STK32B: variants seen among roughly 807,000 people sequenced by gnomAD.
STK32B encodes serine/threonine-protein kinase 32B.
Under a neutral mutation model 52.6 loss-of-function variants are expected in STK32B, and 43 were observed. The ratio of observed to expected loss-of-function variants is 0.82; its 90% CI spans 0.64 to 1.05. STK32B has a LOEUF of 1.05. Ranked by LOEUF, STK32B falls within the 50% of genes least tolerant of loss-of-function variation. The pLI is 0.00. For synonymous variants in STK32B, 238 were observed against 204.3 expected (o/e 1.17, Z -1.41); for missense variants, 621 against 534.6 (o/e 1.16, Z -1.59).
intron 3 of STK32B, among the ~76,000 whole-genome samples, chr4:5,242,193 A>G (rs1403884924): frequency 6.6e-6 from 1 of 152,282 alleles, no homozygotes; most frequent in African/African-American, 2.4e-5. Context: ...AGTCCCACCA[A>G]CAGTGTATAA....
chr4:5,264,513 G>A (rs975419926), intron 3 of STK32B, among the ~76,000 whole-genome samples: 11 of 152,122 alleles, frequency 7.2e-5, no homozygotes, highest in Admixed American at 4.6e-4. Flanking sequence ...GTGACTGGGC[G>A]CGGTGGCTCA....
At chr4:5,236,095 A>T (rs1422687486) in intron 3 of STK32B, among the ~76,000 whole-genome samples, 1 of 152,198 alleles carries the variant, frequency 6.6e-6, no homozygotes, top group Non-Finnish European at 1.5e-5. Flanking sequence ...CATGTCAATT[A>T]TGGTGCATTG....
chr4:5,253,621 C>G (rs1437700145), intron 3 of STK32B, among the ~76,000 whole-genome samples: 1 of 151,990 alleles, frequency 6.6e-6, no homozygotes, highest in Non-Finnish European at 1.5e-5. Flanking sequence ...GGTGATCCAC[C>G]CACCTCGGCC....
chr4:5,148,061 A>G (rs1717053865), intron 2 of STK32B, among the ~76,000 whole-genome samples: 1 of 151,896 alleles, frequency 6.6e-6, no homozygotes, highest in South Asian at 2.1e-4. Context: ...TTGACTACAA[A>G]ATTACCTTCT....
chr4:5,271,795 G>A (rs1727450701), intron 3 of STK32B, among the ~76,000 whole-genome samples: 1 of 138,744 alleles, frequency 7.2e-6, no homozygotes. Context: ...TCATGATTTG[G>A]CTCTCTGTTT....
At chr4:5,195,140 C>T (rs1032700896) in intron 3 of STK32B, among the ~76,000 whole-genome samples, 4 of 152,078 alleles carry the variant, frequency 2.6e-5, no homozygotes, top group Non-Finnish European at 4.4e-5. Flanking sequence ...TTGGCGCAAT[C>T]GTAGCTCAAC....
At position 5,316,192 on chromosome 4, in the gene STK32B, T is replaced by A. The variant is rs111305615; in HGVS notation, c.261-15028T>A. On this transcript the variant is annotated intron_variant, in intron 3 of 11. Coordinates refer to ENST00000282908, the MANE Select transcript of STK32B (RefSeq NM_018401.3). Reference sequence around the variant, plus strand: ...ATATATATATAACTAAATATATATATTTAGATATATAATATATATTACATA... The same window carrying A: ...ATATATATATAACTAAATATATATAATTAGATATATAATATATATTACATA... Among the ~76,000 whole-genome samples the A allele has an allele frequency of 7.1e-3, 574 of 80,668 alleles. 4 individuals are homozygous for A. Among genetic ancestry groups the A allele is most frequent in the African/African-American group, 0.04 (408 of 10,180 alleles). 52.9% of individuals were successfully genotyped at this position (80,668 alleles called of 152,430 possible). A position where few individuals can be genotyped will look rare whatever the true frequency, so the allele number is the denominator to read the frequency against.
intron 3 of STK32B, among the ~76,000 whole-genome samples, chr4:5,214,575 C>T (rs1040345929): frequency 6.6e-6 from 1 of 152,096 alleles, no homozygotes; most frequent in Non-Finnish European, 1.5e-5. Context: ...TGTTCTGTTC[C>T]AATGCTCTAT....
chr4:5,100,012 A>C (rs1310361944), intron 1 of STK32B, among the ~76,000 whole-genome samples: 24 of 152,112 alleles, frequency 1.6e-4, no homozygotes, highest in Non-Finnish European at 2.9e-4. Context: ...AAAAAAAAAA[A>C]AACACTGAAT....
intron 3 of STK32B, among the ~76,000 whole-genome samples, chr4:5,238,322 CTGCCTCCT>C (rs1438625568): frequency 1.3e-5 from 2 of 152,068 alleles, no homozygotes; most frequent in African/African-American, 2.4e-5. Context: ...ACTGTAATGT[CTGCCTCCT>C]TGCCTCCTTC....
chr4:5,080,008 A>G (rs1017678368), intron 1 of STK32B, among the ~76,000 whole-genome samples: 2 of 151,652 alleles, frequency 1.3e-5, no homozygotes, highest in Non-Finnish European at 2.9e-5. Flanking sequence ...AGACTTTCCC[A>G]TATAAGATCA....
intron 2 of STK32B, among the ~76,000 whole-genome samples, chr4:5,144,002 G>A (rs893902942): frequency 2.0e-5 from 3 of 152,146 alleles, no homozygotes; most frequent in African/African-American, 7.2e-5. Flanking sequence ...GCTGGAATTG[G>A]GCCTCTACTT....
At chr4:5,152,658 C>A (rs1264218714) in intron 2 of STK32B, among the ~76,000 whole-genome samples, 1 of 152,234 alleles carries the variant, frequency 6.6e-6, no homozygotes, top group Admixed American at 6.5e-5. Context: ...ATACGCAGTT[C>A]TCATTCGGTG....
chr4:5,030,602 T>C, the STK32B span, among the ~76,000 whole-genome samples: 1 of 151,994 alleles, frequency 6.6e-6, no homozygotes, highest in Non-Finnish European at 1.5e-5. Flanking sequence ...AAGGTAGGAG[T>C]TGGTATTATC....
chr4:5,452,908 C>G (rs185818039), intron 7 of STK32B, among the ~76,000 whole-genome samples: 2 of 152,008 alleles, frequency 1.3e-5, no homozygotes, highest in African/African-American at 4.8e-5. Context: ...ATAAATACCA[C>G]CTGGTATTCT....
intron 3 of STK32B, among the ~76,000 whole-genome samples, chr4:5,230,023 G>A (rs974921914): frequency 2.0e-5 from 3 of 151,600 alleles, no homozygotes; most frequent in East Asian, 1.9e-4. Flanking sequence ...ATGGAGTCTC[G>A]CTCTTGTCGT....
At chr4:5,367,141 C>G (rs1028642296) in intron 4 of STK32B, among the ~76,000 whole-genome samples, 3 of 152,124 alleles carry the variant, frequency 2.0e-5, no homozygotes, top group Non-Finnish European at 4.4e-5. Context: ...ACATTTCCCC[C>G]TAGAACTAAG....
At chr4:5,175,860 T>G (rs1384466372) in intron 3 of STK32B, among the ~76,000 whole-genome samples, 1 of 152,232 alleles carries the variant, frequency 6.6e-6, no homozygotes, top group Non-Finnish European at 1.5e-5. Flanking sequence ...TCTGCAGAGG[T>G]TACTGCTGCC....
Position 5,317,245 on chromosome 4 carries a change from T to TATATATAACATATATATA in STK32B, c.261-13961_261-13960insTATAATATATAACATATA, listed in dbSNP as rs1560313458. 2.1e-3 allele frequency among the ~76,000 whole-genome samples: 73 copies of TATATATAACATATATATA among 35,292 alleles called. 3 individuals carry two copies. Among genetic ancestry groups the TATATATAACATATATATA allele is most frequent in the African/African-American group, 6.3e-3 (18 of 2,872 alleles). The allele number at this position is 35,292 out of a possible 152,430, so 23.2% of individuals were successfully genotyped here. A position where few individuals can be genotyped will look rare whatever the true frequency, so the allele number is the denominator to read the frequency against. ...TATATTATATATAACATATATATAT[T>TATATATAACATATATATA]ATATATAACATATAACATATATATA... is the stretch of plus-strand genomic sequence containing the variant. On this transcript the variant is annotated intron_variant, in intron 3 of 11. Transcript: ENST00000282908.
Sources: gnomAD v4.1 joint callset for allele counts (sites outside exome capture counted in the v4.1 genomes callset) on GRCh38, gnomAD v4.1.1 for gene constraint, MANE v1.5 for transcripts, NCBI Gene and HGNC (gene_info 2026-07-23, HGNC 2026-07-21) for gene names.